CNTN4: variants seen among roughly 807,000 people sequenced by gnomAD.
CNTN4 encodes the protein contactin-4.
Under a neutral mutation model 122.5 loss-of-function variants are expected in CNTN4, and 77 were observed. That is an observed-to-expected ratio of 0.63 (90% confidence interval 0.52 to 0.76). The LOEUF (loss-of-function observed/expected upper bound fraction) is 0.76, where lower values mean the gene tolerates loss of function less well. Among genes scored for constraint, CNTN4 ranks in the 30% least tolerant of loss-of-function variants. The pLI, the probability that CNTN4 is intolerant of heterozygous loss-of-function variation, is 0.00. For synonymous variants in CNTN4, 512 were observed against 447.0 expected (o/e 1.15, Z -1.83); for missense variants, 1,256 against 1,259.1 (o/e 1.00, Z 0.04).
At chr3:2,786,615 C>G (rs2091843060) in intron 6 of CNTN4, among the ~76,000 whole-genome samples, 1 of 152,204 alleles carries the variant, frequency 6.6e-6, no homozygotes, top group Admixed American at 6.5e-5. Flanking sequence ...TCCTGATTAC[C>G]TGAAATAATG....
intron 3 of CNTN4, among the ~76,000 whole-genome samples, chr3:2,405,842 G>C (rs934128835): frequency 6.6e-6 from 1 of 151,944 alleles, no homozygotes; most frequent in Non-Finnish European, 1.5e-5. Context: ...GGGCAACATG[G>C]CAAAATCTCA....
At chr3:2,738,302 C>G (rs1328917123) in intron 5 of CNTN4, among the ~76,000 whole-genome samples, 1 of 152,124 alleles carries the variant, frequency 6.6e-6, no homozygotes, top group African/African-American at 2.4e-5. Flanking sequence ...GCTGACTTCT[C>G]AATAGCAACA....
At chr3:2,547,420 C>T (rs546265706) in intron 3 of CNTN4, among the ~76,000 whole-genome samples, 1 of 152,010 alleles carries the variant, frequency 6.6e-6, no homozygotes, top group Non-Finnish European at 1.5e-5. Context: ...TGCTCACCAC[C>T]ATGCCCAGCT....
chr3:2,713,583 G>A (rs990283392), intron 4 of CNTN4, among the ~76,000 whole-genome samples: 10 of 152,188 alleles, frequency 6.6e-5, no homozygotes, highest in Non-Finnish European at 8.8e-5. Context: ...ACCTACTTTA[G>A]ATGAAGGTCA....
In CNTN4 at chr3:2,710,086, G is replaced by A. The variant is rs146450153; in HGVS notation, c.56-26129G>A. On this transcript the variant is annotated intron_variant, in intron 4 of 24. Coordinates refer to ENST00000418658, the MANE Select transcript of CNTN4 (RefSeq NM_175607.3). ...TTAGCACTAGGTATAATATTAGTTC[G>A]AACCACAGTTAGTAAATACAGAACA... 9.9e-4 allele frequency among the ~76,000 whole-genome samples: 151 copies of A among 152,234 alleles called. 1 individual carries two copies. Among genetic ancestry groups the A allele is most frequent in the African/African-American group, 2.4e-3 (99 of 41,544 alleles).
At chr3:2,764,421 T>C (rs1188461099) in intron 6 of CNTN4, among the ~76,000 whole-genome samples, 1 of 152,140 alleles carries the variant, frequency 6.6e-6, no homozygotes, top group Non-Finnish European at 1.5e-5. Context: ...AAAGGTGCTG[T>C]GGTGGCATAG....
At chr3:2,799,348 G>T (rs558180258) in intron 6 of CNTN4, among the ~76,000 whole-genome samples, 2 of 152,244 alleles carry the variant, frequency 1.3e-5, no homozygotes, top group East Asian at 3.9e-4. Flanking sequence ...TAAGTTTCAT[G>T]TGTCTATTTT....
intron 3 of CNTN4, among the ~76,000 whole-genome samples, chr3:2,450,901 C>A (rs564651701): frequency 2.0e-5 from 3 of 152,284 alleles, no homozygotes; most frequent in South Asian, 2.1e-4. Context: ...AGGCAAGAAC[C>A]AAGCTGAGCT....
intron 13 of CNTN4, among the ~76,000 whole-genome samples, chr3:2,976,158 A>T (rs1693396807): frequency 6.6e-6 from 1 of 152,188 alleles, no homozygotes; most frequent in Non-Finnish European, 1.5e-5. Flanking sequence ...AGCATTTCTC[A>T]TGTTCATCAT....
chr3:2,327,432 A>G (rs976012767), intron 2 of CNTN4, among the ~76,000 whole-genome samples: 1 of 152,214 alleles, frequency 6.6e-6, no homozygotes, highest in Non-Finnish European at 1.5e-5. Flanking sequence ...ATGATATTGT[A>G]AACACATATG....
chr3:2,243,650 A>C (rs2040026382), intron 2 of CNTN4, among the ~76,000 whole-genome samples: 1 of 152,142 alleles, frequency 6.6e-6, no homozygotes. Flanking sequence ...TGAGTAAATA[A>C]ACAAAATGGA....
chr3:2,862,025 C>T (rs1348844548), intron 7 of CNTN4, among the ~76,000 whole-genome samples: 1 of 152,200 alleles, frequency 6.6e-6, no homozygotes, highest in Admixed American at 6.5e-5. Context: ...ATCCCTGCCA[C>T]TTGTCAAATG....
chr3:2,507,184 A>G (rs1177238786), intron 3 of CNTN4, among the ~76,000 whole-genome samples: 7 of 152,104 alleles, frequency 4.6e-5, no homozygotes, highest in African/African-American at 1.4e-4. Flanking sequence ...TAAGAACCCC[A>G]TCATGCTTCC....
intron 4 of CNTN4, among the ~76,000 whole-genome samples, chr3:2,651,459 A>C (rs186933936): frequency 2.4e-4 from 37 of 152,224 alleles, no homozygotes; most frequent in Admixed American, 1.0e-3. Flanking sequence ...CAAGACAAGC[A>C]CCCTTTTCAC....
chr3:2,443,109 A>G (rs774945668), intron 3 of CNTN4, among the ~76,000 whole-genome samples: 5 of 151,958 alleles, frequency 3.3e-5, no homozygotes, highest in Non-Finnish European at 5.9e-5. Context: ...TACCTGTGTA[A>G]CAAACCTTCA....
chr3:3,035,423 C>G lies in CNTN4; in HGVS notation c.1942+633C>G, dbSNP rs564272088. ...ATCAATCTGTATTACCTAAAATCAT[C>G]TGTGTAGCACTGTGGTTCACTTTGG... On this transcript the variant is annotated intron_variant, in intron 17 of 24. Transcript: ENST00000418658. Among the ~76,000 whole-genome samples, 3 of 152,182 alleles carry G rather than the reference C, an allele frequency of 2.0e-5. No individual in the cohort carries two copies. In the South Asian group the frequency reaches 6.2e-4, roughly 32 times the overall value.
chr3:2,123,462 C>G (rs1216414633), intron 2 of CNTN4, among the ~76,000 whole-genome samples: 5 of 152,120 alleles, frequency 3.3e-5, no homozygotes, highest in African/African-American at 1.2e-4. Flanking sequence ...TTAGGCAGTT[C>G]TTGTTTGGAA....
chr3:2,583,893 C>A (rs2080058953), intron 4 of CNTN4, among the ~76,000 whole-genome samples: 1 of 152,098 alleles, frequency 6.6e-6, no homozygotes, highest in African/African-American at 2.4e-5. Flanking sequence ...AGTGAGAAAT[C>A]CAGGCAAAAT....
intron 4 of CNTN4, among the ~76,000 whole-genome samples, chr3:2,704,321 A>C (rs78468271): frequency 7.6e-6 from 1 of 132,430 alleles, no homozygotes; most frequent in East Asian, 2.3e-4. Context: ...AAAAAAAAAA[A>C]GTTGATCTGG....
Sources: gnomAD v4.1 joint callset for allele counts (sites outside exome capture counted in the v4.1 genomes callset) on GRCh38, gnomAD v4.1.1 for gene constraint, MANE v1.5 for transcripts, NCBI Gene and HGNC (gene_info 2026-07-23, HGNC 2026-07-21) for gene names.